The following C1orf87 variants were observed in gnomAD, a reference collection of about 807,000 sequenced individuals.
C1orf87 encodes uncharacterized protein C1orf87.
In C1orf87, 58 loss-of-function variants were observed where a neutral mutation model predicts 60.5. That is an observed-to-expected ratio of 0.96 (90% CI 0.78 to 1.19). C1orf87 has a LOEUF of 1.19. Among genes scored for constraint, C1orf87 ranks in the 50% most tolerant of loss-of-function variants. C1orf87 has a pLI of 0.00. For synonymous variants in C1orf87, 236 were observed against 227.4 expected (o/e 1.04, Z -0.34); for missense variants, 673 against 638.6 (o/e 1.05, Z -0.58).
At chr1:60,041,279 T>A in intron 3 of C1orf87, 148 bp from the exon 4 acceptor site, 1 of 668,928 alleles carries the variant, frequency 1.5e-6, no homozygotes, top group Non-Finnish European at 2.3e-6. Flanking sequence ...TATCATTGAG[T>A]CATTGAATCG....
At position 60,029,321 on chromosome 1, in the gene C1orf87, T is replaced by C. The variant is rs1027229782; in HGVS notation, c.1030-3823A>G. 3.9e-5 allele frequency among the ~76,000 whole-genome samples: 6 copies of C among 152,316 alleles called. No individual in the cohort carries two copies. In the South Asian group the frequency reaches 1.2e-3, roughly 32 times the overall value. ...CTTGCCTGGATTATTGAAACAGCCTTCTAAAAGGTCTCTCTGCCCCTAATT... is the reference window on the plus strand; with the variant it reads ...CTTGCCTGGATTATTGAAACAGCCTCCTAAAAGGTCTCTCTGCCCCTAATT... On this transcript the variant is annotated intron_variant, in intron 7 of 11. Transcript: ENST00000371201.
intron 2 of C1orf87, 145 bp from the exon 3 acceptor site, chr1:60,055,583 G>A (rs1274964084): frequency 1.5e-6 from 1 of 655,250 alleles, no homozygotes; most frequent in Non-Finnish European, 2.7e-6. Flanking sequence ...TTGGTTATTT[G>A]TCTATGCATC....
intron 8 of C1orf87, among the ~76,000 whole-genome samples, chr1:60,023,973 T>G (rs999641686): frequency 5.3e-5 from 8 of 152,312 alleles, no homozygotes; most frequent in Non-Finnish European, 1.0e-4. Flanking sequence ...AGAAGTTCTA[T>G]TTGGATCTTT....
chr1:60,037,836 G>T (rs1327334141), intron 6 of C1orf87, among the ~76,000 whole-genome samples, 156 bp downstream of exon 6: 1 of 152,226 alleles, frequency 6.6e-6, no homozygotes, highest in Admixed American at 6.5e-5. Flanking sequence ...CAACCATGCT[G>T]GTGCCCTGAT....
intron 9 of C1orf87, among the ~76,000 whole-genome samples, chr1:60,003,250 T>C (rs1312772794): frequency 1.4e-5 from 2 of 139,300 alleles, no homozygotes; most frequent in Non-Finnish European, 3.0e-5. Context: ...ATATTCTCAC[T>C]CATAGGTGGG....
intron 7 of C1orf87, among the ~76,000 whole-genome samples, chr1:60,031,105 G>C (rs894083125): frequency 1.3e-5 from 2 of 152,052 alleles, no homozygotes; most frequent in African/African-American, 4.8e-5. Context: ...GAAATTCAGA[G>C]CTACTTGTCA....
chr1:60,008,178 AC>A (rs1045609843), intron 9 of C1orf87, among the ~76,000 whole-genome samples: 33 of 152,168 alleles, frequency 2.2e-4, no homozygotes, highest in African/African-American at 7.9e-4. Flanking sequence ...GGAGAGTGAC[AC>A]GTTGCCTATA....
intron 2 of C1orf87, among the ~76,000 whole-genome samples, chr1:60,059,285 G>C (rs1485130541): frequency 6.6e-6 from 1 of 152,098 alleles, no homozygotes; most frequent in African/African-American, 2.4e-5. Flanking sequence ...TCAAAAGAAG[G>C]GGGGAAAAAC....
chr1:60,016,518 T>G (rs982826348), intron 8 of C1orf87, among the ~76,000 whole-genome samples: 3 of 152,218 alleles, frequency 2.0e-5, no homozygotes, highest in African/African-American at 7.2e-5. Flanking sequence ...TTCCCTGATA[T>G]AGAGGCAATA....
chr1:60,072,566 G>C lies in C1orf87; in HGVS notation c.78C>G (p.His26Gln). 1 of 1,612,752 alleles carries C rather than the reference G, an allele frequency of 6.2e-7. No homozygotes were observed. Among genetic ancestry groups the C allele is most frequent in the Non-Finnish European group, 8.5e-7 (1 of 1,179,792 alleles). ...EIMVKIIGSKHFQYLVEKPKI... is the reference protein window; with the variant it reads ...EIMVKIIGSKQFQYLVEKPKI... ...TTGGCTTCTCCACGAGGTATTGAAA[G>C]TGTTTACTTCCAATGATTTTCACCA... The change falls in exon 2 of 12, where the codon CAC (histidine) becomes CAG (glutamine). Residue 26 changes from histidine (H) to glutamine (Q), a missense_variant. Coordinates refer to ENST00000371201, the MANE Select transcript of C1orf87 (RefSeq NM_152377.3).
intron 3 of C1orf87, among the ~76,000 whole-genome samples, chr1:60,053,657 G>C (rs561885967): frequency 9.9e-5 from 15 of 151,474 alleles, no homozygotes; most frequent in Non-Finnish European, 1.5e-4. Context: ...TATGTATGAA[G>C]GAAAAAAGAG....
chr1:60,008,624 T>G (rs926832250), intron 9 of C1orf87: 18 of 444,128 alleles, frequency 4.1e-5, no homozygotes, highest in African/African-American at 3.4e-4. Flanking sequence ...AGGAAAGCCA[T>G]GTGAGGACAC....
At chr1:60,020,371 G>A (rs1336714531) in intron 8 of C1orf87, among the ~76,000 whole-genome samples, 2 of 152,160 alleles carry the variant, frequency 1.3e-5, no homozygotes, top group Admixed American at 6.5e-5. Flanking sequence ...GCTTGCAACC[G>A]TGTGCTTGGA....
At chr1:60,002,265 C>T (rs1376272487) in intron 9 of C1orf87, among the ~76,000 whole-genome samples, 1 of 152,038 alleles carries the variant, frequency 6.6e-6, no homozygotes, top group Non-Finnish European at 1.5e-5. Context: ...TGGCTTTGTT[C>T]CTTGCTAGCT....
intron 11 of C1orf87, among the ~76,000 whole-genome samples, chr1:59,993,754 T>C (rs1283084297): frequency 6.9e-6 from 1 of 144,952 alleles, no homozygotes; most frequent in Non-Finnish European, 1.5e-5. Context: ...ATAATAAGAA[T>C]CCTTTTTTTT....
intron 2 of C1orf87, among the ~76,000 whole-genome samples, chr1:60,063,754 T>C (rs1321817259): frequency 2.6e-5 from 4 of 152,146 alleles, no homozygotes; most frequent in Admixed American, 2.6e-4. Context: ...TATCACTTGG[T>C]GCAAGCTGGA....
intron 2 of C1orf87, among the ~76,000 whole-genome samples, chr1:60,062,005 G>A (rs138167294): frequency 2.6e-4 from 39 of 152,234 alleles, no homozygotes; most frequent in African/African-American, 8.9e-4. Context: ...CCAATGGGTA[G>A]CCCTGGCAGG....
intron 10 of C1orf87, among the ~76,000 whole-genome samples, chr1:60,000,277 G>A (rs773307036): frequency 1.3e-5 from 2 of 152,084 alleles, no homozygotes; most frequent in African/African-American, 2.4e-5. Flanking sequence ...ATCAATTATC[G>A]CAGAGATGCA....
intron 6 of C1orf87, among the ~76,000 whole-genome samples, chr1:60,035,205 T>C (rs1645267164): frequency 1.3e-5 from 2 of 152,190 alleles, no homozygotes. Flanking sequence ...ACCCAAACAC[T>C]GTCAATCAGA....
Sources: allele counts gnomAD v4.1 joint callset (sites outside exome capture counted in the v4.1 genomes callset), GRCh38; gene constraint gnomAD v4.1.1; transcripts MANE v1.5; gene names NCBI Gene and HGNC (gene_info 2026-07-23, HGNC 2026-07-21).